VWC2: variants seen among roughly 807,000 people sequenced by gnomAD.
VWC2 encodes brorin.
In VWC2, 14 loss-of-function variants were observed where a neutral mutation model predicts 29.8. The ratio of observed to expected loss-of-function variants is 0.47; its 90% CI spans 0.31 to 0.74. The LOEUF (loss-of-function observed/expected upper bound fraction) is 0.74, where lower values mean the gene tolerates loss of function less well. Ranked by LOEUF, VWC2 falls within the 30% of genes least tolerant of loss-of-function variation. The pLI is 0.05. For synonymous variants in VWC2, 213 were observed against 199.0 expected (o/e 1.07, Z -0.59); for missense variants, 457 against 459.8 (o/e 0.99, Z 0.05).
rs537247182 is a variant in VWC2 at position 49,797,638 on chromosome 7, T to A, written c.697-5073T>A. On this transcript the variant is annotated intron_variant, in intron 2 of 3. Transcript: ENST00000340652. ...TTTTCCTTACCAACCCCTGCTGTTA[T>A]CTGTATTCTCACCTTCCTGAAAAAT... Among the ~76,000 whole-genome samples the A allele has an allele frequency of 5.2e-4, 79 of 152,280 alleles. 2 individuals carry two copies. The South Asian group carries it at 0.016, about 31-fold the overall frequency.
At chr7:49,786,867 T>C (rs1322217990) in intron 2 of VWC2, among the ~76,000 whole-genome samples, 4 of 152,246 alleles carry the variant, frequency 2.6e-5, no homozygotes, top group Admixed American at 6.5e-5. Context: ...AAATTTCTTA[T>C]AGATGGTGGA....
At chr7:49,788,953 ATG>A (rs1583627029) in intron 2 of VWC2, among the ~76,000 whole-genome samples, 2 of 140,100 alleles carry the variant, frequency 1.4e-5, no homozygotes, top group East Asian at 2.2e-4. Context: ...GTGTGGGTGC[ATG>A]TGTGTGCATG....
chr7:49,886,920 G>A (rs1583756691), intron 3 of VWC2, among the ~76,000 whole-genome samples: 1 of 151,714 alleles, frequency 6.6e-6, no homozygotes, highest in African/African-American at 2.4e-5. Flanking sequence ...CTACTTTATG[G>A]GTCCTTTTTA....
chr7:49,807,351 G>GAAC (rs1788902410), intron 3 of VWC2, among the ~76,000 whole-genome samples: 1 of 152,118 alleles, frequency 6.6e-6, no homozygotes, highest in Non-Finnish European at 1.5e-5. Context: ...TATCCAAGAG[G>GAAC]AACAACAAAG....
chr7:49,796,753 A>T (rs1330043897), intron 2 of VWC2, among the ~76,000 whole-genome samples: 1 of 152,236 alleles, frequency 6.6e-6, no homozygotes, highest in Non-Finnish European at 1.5e-5. Flanking sequence ...CACAGTTATG[A>T]AATTAAACAA....
intron 2 of VWC2, among the ~76,000 whole-genome samples, chr7:49,797,676 A>G (rs960344219): frequency 6.6e-6 from 1 of 152,162 alleles, no homozygotes; most frequent in Non-Finnish European, 1.5e-5. Context: ...TATAAGTAGT[A>G]TTCATCTCTC....
intron 3 of VWC2, among the ~76,000 whole-genome samples, chr7:49,821,986 A>G (rs1789271922): frequency 6.6e-6 from 1 of 152,206 alleles, no homozygotes; most frequent in African/African-American, 2.4e-5. Context: ...CCATCTTTTT[A>G]TGAATATAAA....
chr7:49,894,325 T>G (rs892510968), intron 3 of VWC2, among the ~76,000 whole-genome samples: 1 of 152,150 alleles, frequency 6.6e-6, no homozygotes, highest in African/African-American at 2.4e-5. Flanking sequence ...CCGGCTAATT[T>G]TTGTATTTTT....
At chr7:49,857,009 C>CAAAAAAAAAAAAAAAAAAAAA (rs59910243) in intron 3 of VWC2, among the ~76,000 whole-genome samples, 2 of 52,786 alleles carry the variant, frequency 3.8e-5, no homozygotes, top group Non-Finnish European at 6.3e-5. Context: ...GATACTGTCT[C>CAAAAAAAAAAAAAAAAAAAAA]AAAAAAAAAA....
At chr7:49,855,378 A>G (rs1790372899) in intron 3 of VWC2, among the ~76,000 whole-genome samples, 1 of 152,150 alleles carries the variant, frequency 6.6e-6, no homozygotes, top group African/African-American at 2.4e-5. Context: ...ATTAGGTGGT[A>G]TATTTACATG....
At chr7:49,781,927 G>A (rs1299288693) in intron 2 of VWC2, among the ~76,000 whole-genome samples, 2 of 152,146 alleles carry the variant, frequency 1.3e-5, no homozygotes, top group Non-Finnish European at 2.9e-5. Context: ...ATGAGTCCAG[G>A]GGGCAGTGAA....
At position 49,917,737 on chromosome 7, in the gene VWC2, G is replaced by T. The variant is rs1191064282; in HGVS notation, c.*5552G>T. ...CATATACATTAAAGTGTATTTAGATGATTAATATTTAATGATCATTATTTT... is the reference window on the plus strand; with the variant it reads ...CATATACATTAAAGTGTATTTAGATTATTAATATTTAATGATCATTATTTT... On this transcript the variant is annotated 3_prime_UTR_variant, in exon 4 of 4. Coordinates refer to ENST00000340652, the MANE Select transcript of VWC2 (RefSeq NM_198570.5). 1 of 151,902 alleles carries T rather than the reference G, an allele frequency of 6.6e-6. No homozygotes were observed. The highest frequency in any genetic ancestry group is 1.5e-5 in the Non-Finnish European group (1 of 67,930). The allele number at this position is 151,902 out of a possible 1,614,324, so 9.4% of individuals were successfully genotyped here. A position where few individuals can be genotyped will look rare whatever the true frequency, so the allele number is the denominator to read the frequency against.
At chr7:49,802,933 C>A (rs141242083) in intron 3 of VWC2, 93 bp downstream of exon 3, 4 of 1,533,396 alleles carry the variant, frequency 2.6e-6, no homozygotes, top group Admixed American at 1.8e-5. Flanking sequence ...CATACGGATA[C>A]GTGAGTTTCA....
At chr7:49,838,108 G>C (rs1467645410) in intron 3 of VWC2, among the ~76,000 whole-genome samples, 1 of 152,158 alleles carries the variant, frequency 6.6e-6, no homozygotes, top group Non-Finnish European at 1.5e-5. Context: ...CTCTAGCTAG[G>C]GGGACAGAGG....
chr7:49,900,266 A>G (rs193180098), intron 3 of VWC2, among the ~76,000 whole-genome samples: 1 of 151,944 alleles, frequency 6.6e-6, no homozygotes, highest in African/African-American at 2.4e-5. Context: ...ACCTTTAGAA[A>G]CTAGAAAAAG....
rs543788683 is a variant in VWC2, at chr7:49,784,423, T to C, written c.696+8292T>C. On this transcript the variant is annotated intron_variant, in intron 2 of 3. Coordinates refer to ENST00000340652, the MANE Select transcript of VWC2 (RefSeq NM_198570.5). ...TGGAATCCATAGAGCAAAGTCTGCC[T>C]TGAAGTTGTGGCTGTCTGGGAGCAT... Among the ~76,000 whole-genome samples, 4 of 152,370 alleles carry C rather than the reference T, an allele frequency of 2.6e-5. No homozygotes were observed. The South Asian group carries it at 8.3e-4, about 32-fold the overall frequency.
chr7:49,806,324 A>G (rs1387666829), intron 3 of VWC2, among the ~76,000 whole-genome samples: 3 of 152,364 alleles, frequency 2.0e-5, no homozygotes, highest in African/African-American at 7.2e-5. Context: ...TGATAAAAGT[A>G]GGACATTGGT....
chr7:49,853,651 T>C (rs1790289468), intron 3 of VWC2, among the ~76,000 whole-genome samples: 1 of 152,096 alleles, frequency 6.6e-6, no homozygotes. Flanking sequence ...TTATGAACGT[T>C]TGTTTTTCTT....
intron 3 of VWC2, among the ~76,000 whole-genome samples, chr7:49,851,651 A>C (rs766064623): frequency 6.6e-6 from 1 of 152,182 alleles, no homozygotes; most frequent in African/African-American, 2.4e-5. Flanking sequence ...TGAGGTCAGG[A>C]GATCGAGACC....
Sources: allele counts gnomAD v4.1 joint callset (sites outside exome capture counted in the v4.1 genomes callset), GRCh38; gene constraint gnomAD v4.1.1; transcripts MANE v1.5; gene names NCBI Gene and HGNC (gene_info 2026-07-23, HGNC 2026-07-21).